The following MYH4 variants were observed in gnomAD, a reference collection of about 807,000 sequenced individuals.
MYH4 encodes the protein myosin-4.
MYH4 carries 200 observed loss-of-function variants against 229.9 expected under a neutral mutation model. That is an observed-to-expected ratio of 0.87 (90% CI 0.78 to 0.98). The LOEUF (loss-of-function observed/expected upper bound fraction) is 0.98, where lower values mean the gene tolerates loss of function less well. MYH4 is among the 50% of genes least tolerant of loss of function. MYH4 has a pLI of 0.00. For missense variants in MYH4, 2,148 were observed against 2,332.6 expected (o/e 0.92, Z 1.63); for synonymous variants, 761 against 834.6 (o/e 0.91, Z 1.52).
chr17:10,450,785 C>G lies in MYH4; in HGVS notation c.3976G>C (p.Glu1326Gln). Residue 1326 changes from glutamate to glutamine, a missense_variant, in exon 29 of 40, where the codon GAG becomes CAG. Transcript: ENST00000255381. ...IEELKRQLEEETKAKSTLAHA... is the reference protein window; with the variant it reads ...IEELKRQLEEQTKAKSTLAHA... Reference sequence around the variant, plus strand: ...AGCTGGAGAATTCTCACCTTAGTCTCCTCTTCTAGCTGCCTCTTTAATTCT... The same window carrying G: ...AGCTGGAGAATTCTCACCTTAGTCTGCTCTTCTAGCTGCCTCTTTAATTCT... 6.2e-7 allele frequency: 1 copy of G among 1,613,512 alleles called. No homozygotes were observed. Among genetic ancestry groups the G allele is most frequent in the Non-Finnish European group, 8.5e-7 (1 of 1,179,448 alleles).
chr17:10,450,992 T>A (rs1440958264), intron 28 of MYH4, 97 bp from the exon 29 acceptor site: 11 of 1,059,414 alleles, frequency 1.0e-5, no homozygotes, highest in Non-Finnish European at 1.4e-5. Context: ...TTTCATATGA[T>A]GAAAAAACCC....
Position 10,456,484 on chromosome 17 carries a change from C to T in MYH4, c.1968+1G>A, listed in dbSNP as rs752364285. 1 of 1,611,216 alleles carries T rather than the reference C, an allele frequency of 6.2e-7. No homozygotes were observed. The highest frequency in any genetic ancestry group is 8.5e-7 in the Non-Finnish European group (1 of 1,177,686). ...ATCTGTAATTCAAGAATATACTGTA[C>T]CCTGAAAAGAGCTGACACTGTCTGG... On this transcript the variant is annotated splice_donor_variant, in intron 17 of 39. Coordinates refer to ENST00000255381, the MANE Select transcript of MYH4 (RefSeq NM_017533.2). LOFTEE classifies it high-confidence loss of function.
In MYH4 at chr17:10,447,080, C is replaced by T. The variant is rs2072520007; in HGVS notation, c.5102G>A (p.Arg1701Lys). 3 of 1,614,168 alleles carry T rather than the reference C, an allele frequency of 1.9e-6. No homozygotes were observed. In the East Asian group the frequency reaches 6.7e-5, roughly 36 times the overall value. Residue 1701 changes from arginine to lysine, a missense_variant, in exon 35 of 40, where the codon AGA (arginine) becomes AAA (lysine). Transcript: ENST00000255381. The part of the protein sequence containing the change: ...ELRASLERTE[R>K]GRKMAEQELL... Reference sequence around the variant, plus strand: ...CTCTTGCTCTGCCATTTTCCTGCCTCTCTCAGTCCGTTCCAGGGATGCCCT... The same window carrying T: ...CTCTTGCTCTGCCATTTTCCTGCCTTTCTCAGTCCGTTCCAGGGATGCCCT...
rs367928150 is a variant in MYH4, at chr17:10,460,880, C to G, written c.1147+36G>C. The G allele has an allele frequency of 2.0e-5, 32 of 1,611,208 alleles. 1 individual carries two copies. The African/African-American group carries it at 2.4e-4, about 12-fold the overall frequency. The stretch of plus-strand genomic sequence containing the variant: ...GCCTCTGAAAAGTTCACTATGTCAG[C>G]TTTGTCAAGTGGAAGATACCAACAG... On this transcript the variant is annotated intron_variant, in intron 12 of 39. Transcript: ENST00000255381.
intron 12 of MYH4, 152 bp downstream of exon 12, chr17:10,460,764 T>C: frequency 1.3e-6 from 1 of 744,444 alleles, no homozygotes; most frequent in Non-Finnish European, 2.2e-6. Flanking sequence ...ATCTGCTAAA[T>C]AATGTAAAAC....
chr17:10,457,553 G>A lies in MYH4; in HGVS notation c.1764C>T (p.Thr588=), dbSNP rs543551260. ...AHFSLVHYAG[T]VDYNIAGWLD... ...GCCAGCCGGCGATGTTGTAGTCCAC[G>A]GTGCCGGCATAGTGCACCAGTGAGA... The change falls in exon 16 of 40, where the codon ACC becomes ACT. Residue 588 remains threonine (T), a synonymous_variant. Coordinates refer to ENST00000255381, the MANE Select transcript of MYH4 (RefSeq NM_017533.2). 9.7e-5 allele frequency: 157 copies of A among 1,614,166 alleles called. 1 individual carries two copies. In the Middle Eastern group the frequency reaches 9.9e-4, roughly 10 times the overall value.
intron 22 of MYH4, among the ~76,000 whole-genome samples, chr17:10,454,166 C>T (rs1421570770): frequency 6.6e-6 from 1 of 152,216 alleles, no homozygotes; most frequent in Non-Finnish European, 1.5e-5. Context: ...TTGGAAAAAT[C>T]GCTTGTTCAT....
Position 10,450,438 on chromosome 17 carries a change from A to G in MYH4, c.4181+15T>C. ...CTTTTATTTCTTCCTGCTCCCCTGC[A>G]CTAAAAGCACATACTTGGCCTCCTC... On this transcript the variant is annotated intron_variant, in intron 30 of 39. Transcript: ENST00000255381. 6.2e-7 allele frequency: 1 copy of G among 1,613,878 alleles called. No individual in the cohort carries two copies. Among genetic ancestry groups the G allele is most frequent in the Non-Finnish European group, 8.5e-7 (1 of 1,179,852 alleles).
At chr17:10,447,765 T>C (rs770846677) in intron 34 of MYH4, 53 bp downstream of exon 34, 31 of 1,482,688 alleles carry the variant, frequency 2.1e-5, no homozygotes, top group Non-Finnish European at 2.6e-5. Context: ...AAAATTTGAG[T>C]TACACAGTAG....
At chr17:10,462,121 C>G (rs1187142603) in intron 11 of MYH4, among the ~76,000 whole-genome samples, 1 of 152,078 alleles carries the variant, frequency 6.6e-6, no homozygotes, top group Non-Finnish European at 1.5e-5. Context: ...ATAGAAAAAG[C>G]AGTTTTGCAA....
At chr17:10,462,675 T>C (rs572042487) in intron 11 of MYH4, among the ~76,000 whole-genome samples, 190 bp downstream of exon 11, 9 of 152,320 alleles carry the variant, frequency 5.9e-5, no homozygotes, top group Middle Eastern at 3.4e-3. Flanking sequence ...TTACAGGCAG[T>C]GAAAGCTTTT....
Position 10,450,525 on chromosome 17 carries a change from C to G in MYH4, c.4109G>C (p.Ser1370Thr). The change falls in exon 30 of 40, where the codon AGT (serine) becomes ACT (threonine). Residue 1370 changes from serine to threonine, a missense_variant. Coordinates refer to ENST00000255381, the MANE Select transcript of MYH4 (RefSeq NM_017533.2). The part of the protein sequence containing the change: ...ELQRGMSKAN[S>T]EVAQWRTKYE... ...CTTGGTCCTCCACTGGGCAACCTCA[C>G]TGTTGGCCTTGGACATTCCCCTCTG... 6.2e-7 allele frequency: 1 copy of G among 1,614,184 alleles called. No individual in the cohort carries two copies. Among genetic ancestry groups the G allele is most frequent in the Non-Finnish European group, 8.5e-7 (1 of 1,179,996 alleles).
chr17:10,453,633 T>C lies in MYH4; in HGVS notation c.2934+10A>G. 8 of 1,614,150 alleles carry C rather than the reference T, an allele frequency of 5.0e-6. No homozygotes were observed. The highest frequency in any genetic ancestry group is 6.8e-6 in the Non-Finnish European group (8 of 1,180,004). On this transcript the variant is annotated intron_variant, in intron 23 of 39. Transcript: ENST00000255381. ...CTTATAAATATTCTAAAATGGATCA[T>C]GATTTGTACCTTGTTCTCTGTGGCA...
chr17:10,450,703 C>A, intron 29 of MYH4, 54 bp from the exon 30 acceptor site: 1 of 1,610,534 alleles, frequency 6.2e-7, no homozygotes, highest in Admixed American at 1.7e-5. Flanking sequence ...CATTGAAATT[C>A]TCTATGCAAA....
At chr17:10,451,296 T>A (rs952046424) in intron 28 of MYH4, 30 bp downstream of exon 28, 3 of 1,610,802 alleles carry the variant, frequency 1.9e-6, no homozygotes, top group Non-Finnish European at 2.5e-6. Flanking sequence ...TCGTCACCTC[T>A]CCGAAGGTTG....
intron 15 of MYH4, among the ~76,000 whole-genome samples, chr17:10,457,979 C>A (rs184219343): frequency 1.6e-3 from 246 of 152,260 alleles, no homozygotes; most frequent in African/African-American, 5.7e-3. Context: ...AAATCAGATT[C>A]TGAAAACATC....
Position 10,450,781 on chromosome 17 carries a change from G to C in MYH4, c.3980C>G (p.Thr1327Ser), listed in dbSNP as rs371220617. Reference protein sequence around the residue: ...EELKRQLEEETKAKSTLAHAL... With the variant: ...EELKRQLEEESKAKSTLAHAL... ...TATCAGCTGGAGAATTCTCACCTTA[G>C]TCTCCTCTTCTAGCTGCCTCTTTAA... Residue 1327 changes from threonine (T) to serine (S), a missense_variant, in exon 29 of 40, where the codon ACT (threonine) becomes AGT (serine). Thr to Ser is a moderately conservative substitution (Grantham distance 58). Coordinates refer to ENST00000255381, the MANE Select transcript of MYH4 (RefSeq NM_017533.2). 1 of 1,612,886 alleles carries C rather than the reference G, an allele frequency of 6.2e-7. No homozygotes were observed. The highest frequency in any genetic ancestry group is 8.5e-7 in the Non-Finnish European group (1 of 1,179,024).
Position 10,447,792 on chromosome 17 carries a change from C to T in MYH4, c.4965+26G>A, listed in dbSNP as rs141213367. The T allele has an allele frequency of 1.0e-5, 16 of 1,580,302 alleles. No homozygotes were observed. The East Asian group carries it at 3.6e-4, about 35-fold the overall frequency. ...ACACAGTAGCACTGAGACTGTACAA[C>T]ACTATGTGTATTTACCCCAGCATAC... On this transcript the variant is annotated intron_variant, in intron 34 of 39. Coordinates refer to ENST00000255381, the MANE Select transcript of MYH4 (RefSeq NM_017533.2).
In MYH4 at chr17:10,447,107, A is replaced by C; in HGVS notation, c.5075T>G (p.Leu1692Arg). The C allele has an allele frequency of 6.2e-7, 1 of 1,614,096 alleles. No individual in the cohort carries two copies. Among genetic ancestry groups the C allele is most frequent in the Non-Finnish European group, 8.5e-7 (1 of 1,180,022 alleles). ...ANLMQAEVEE[L>R]RASLERTERG... ...CTCAGTCCGTTCCAGGGATGCCCTGAGCTCTTCAACTTCAGCCTGCATCAG... is the reference window on the plus strand; with the variant it reads ...CTCAGTCCGTTCCAGGGATGCCCTGCGCTCTTCAACTTCAGCCTGCATCAG... Residue 1692 changes from leucine (L) to arginine (R), a missense_variant, in exon 35 of 40, where the codon CTC (leucine) becomes CGC (arginine). Physicochemically the swap from Leu to Arg is moderately radical, Grantham distance 102 (BLOSUM62 -2). Coordinates refer to ENST00000255381, the MANE Select transcript of MYH4 (RefSeq NM_017533.2).
Sources: gnomAD v4.1 joint callset for allele counts (sites outside exome capture counted in the v4.1 genomes callset) on GRCh38, gnomAD v4.1.1 for gene constraint, MANE v1.5 for transcripts, NCBI Gene and HGNC (gene_info 2026-07-23, HGNC 2026-07-21) for gene names.